Variants in SLIT3 observed in about 807,000 individuals in gnomAD.
SLIT3 encodes the protein slit homolog 3 protein.
A neutral mutation model predicts 184.0 loss-of-function variants in SLIT3; 68 were observed. The observed-to-expected ratio is 0.37, with a 90% CI of 0.30 to 0.45. The LOEUF (loss-of-function observed/expected upper bound fraction) is 0.45, where lower values mean the gene tolerates loss of function less well. Among genes scored for constraint, SLIT3 ranks in the 20% least tolerant of loss-of-function variants. The pLI is 1.00. For synonymous variants in SLIT3, 831 were observed against 828.6 expected, an observed-to-expected ratio of 1.00 and a Z score of -0.05; for missense variants, 1,707 against 2,026.0, an observed-to-expected ratio of 0.84 and a Z score of 3.02.
At chr5:168,705,316 C>T (rs1025738012) in intron 26 of SLIT3, among the ~76,000 whole-genome samples, 3 of 152,146 alleles carry the variant, frequency 2.0e-5, no homozygotes, top group Admixed American at 6.5e-5. Context: ...ATTTTAGGAA[C>T]TGTATTCTAG....
At chr5:169,124,631 T>C (rs1761008473) in intron 4 of SLIT3, among the ~76,000 whole-genome samples, 1 of 152,192 alleles carries the variant, frequency 6.6e-6, no homozygotes, top group Non-Finnish European at 1.5e-5. Flanking sequence ...TTAAAAGCCA[T>C]CTAAAGAAAG....
intron 14 of SLIT3, 134 bp from the exon 15 acceptor site, chr5:168,762,823 C>T: frequency 1.2e-6 from 1 of 820,944 alleles, no homozygotes; most frequent in Non-Finnish European, 2.0e-6. Flanking sequence ...ACAGACACGG[C>T]ATCGCCTTTG....
At chr5:169,245,095 A>T (rs1346781110) in intron 2 of SLIT3, among the ~76,000 whole-genome samples, 2 of 152,192 alleles carry the variant, frequency 1.3e-5, no homozygotes, top group East Asian at 3.9e-4. Flanking sequence ...TCTTTATAAA[A>T]ACCACACATA....
chr5:168,746,361 G>GTGTGGTGTGTGAGTGTGGTGGTA (rs1763809992), intron 20 of SLIT3, among the ~76,000 whole-genome samples: 3 of 148,006 alleles, frequency 2.0e-5, no homozygotes, highest in Non-Finnish European at 4.5e-5. Context: ...GTGTGGTGGT[G>GTGTGGTGTGTGAGTGTGGTGGTA]TGTGGTGTGT....
intron 4 of SLIT3, among the ~76,000 whole-genome samples, chr5:168,911,231 T>C (rs1006586287): frequency 2.0e-5 from 3 of 152,158 alleles, no homozygotes; most frequent in African/African-American, 4.8e-5. Flanking sequence ...ATAATAGATA[T>C]ATGTATGTTA....
chr5:168,696,177 G>T, intron 28 of SLIT3, 115 bp downstream of exon 28: 2 of 1,303,740 alleles, frequency 1.5e-6, no homozygotes, highest in Non-Finnish European at 2.2e-6. Flanking sequence ...ACAGTCTTGG[G>T]GTCTTAGTCT....
intron 14 of SLIT3, 80 bp downstream of exon 14, chr5:168,772,701 C>T (rs774929612): frequency 2.0e-6 from 3 of 1,516,652 alleles, no homozygotes; most frequent in East Asian, 2.3e-5. Context: ...GCTCGCTGTC[C>T]TCCAGATTGG....
intron 1 of SLIT3, among the ~76,000 whole-genome samples, chr5:169,263,205 G>T (rs1766259145): frequency 6.6e-6 from 1 of 152,144 alleles, no homozygotes; most frequent in Non-Finnish European, 1.5e-5. Flanking sequence ...AGCCAGGCAT[G>T]GTGGTACTTG....
intron 5 of SLIT3, among the ~76,000 whole-genome samples, chr5:168,850,743 T>C (rs1370149595): frequency 6.6e-6 from 1 of 152,220 alleles, no homozygotes; most frequent in Non-Finnish European, 1.5e-5. Context: ...TTCTATTTCA[T>C]ATAGATCATA....
intron 4 of SLIT3, among the ~76,000 whole-genome samples, chr5:168,898,274 C>T (rs1210660664): frequency 6.6e-6 from 1 of 152,134 alleles, no homozygotes; most frequent in Non-Finnish European, 1.5e-5. Flanking sequence ...GGGTATACAT[C>T]ACCTTCCCTC....
intron 14 of SLIT3, among the ~76,000 whole-genome samples, chr5:168,770,531 T>A (rs1277156295): frequency 6.6e-6 from 1 of 152,172 alleles, no homozygotes; most frequent in Non-Finnish European, 1.5e-5. Flanking sequence ...GCCAAGGCCT[T>A]TGGAGCTCAG....
At chr5:168,723,148 C>T in intron 21 of SLIT3, 144 bp from the exon 22 acceptor site, 1 of 661,560 alleles carries the variant, frequency 1.5e-6, no homozygotes, top group Non-Finnish European at 2.8e-6. Flanking sequence ...TTCACTCACT[C>T]ATCTATCCAT....
intron 23 of SLIT3, among the ~76,000 whole-genome samples, chr5:168,715,559 T>TCCCCCAC (rs1762697349): frequency 2.0e-5 from 3 of 152,372 alleles, no homozygotes; most frequent in Non-Finnish European, 2.9e-5. Flanking sequence ...GCTAAGCTGC[T>TCCCCCAC]AGAATGTAAA....
intron 3 of SLIT3, among the ~76,000 whole-genome samples, chr5:169,228,842 G>A (rs1039409991): frequency 3.9e-5 from 6 of 152,084 alleles, no homozygotes; most frequent in Admixed American, 2.6e-4. Flanking sequence ...TGGTTTTGAA[G>A]CACCTCTCAA....
Position 169,104,510 on chromosome 5 carries a change from T to A in SLIT3, c.413+88969A>T, listed in dbSNP as rs144462067. ...AATTTCACACAGGGGTCCTATTTAA[T>A]CTTAAGTCAAAGAACCATTGAATGC... On this transcript the variant is annotated intron_variant, in intron 4 of 35. Coordinates refer to ENST00000519560, the MANE Select transcript of SLIT3 (RefSeq NM_003062.4). 8.9e-4 allele frequency among the ~76,000 whole-genome samples: 135 copies of A among 152,334 alleles called. 1 individual carries two copies. The highest frequency in any genetic ancestry group is 3.1e-3 in the African/African-American group (130 of 41,576).
chr5:169,217,889 G>A (rs1438923880), intron 3 of SLIT3, among the ~76,000 whole-genome samples: 1 of 152,212 alleles, frequency 6.6e-6, no homozygotes, highest in Non-Finnish European at 1.5e-5. Context: ...TGGAATGGCA[G>A]CTGCTGTTTC....
intron 4 of SLIT3, among the ~76,000 whole-genome samples, chr5:169,113,262 A>C (rs1157679166): frequency 6.6e-6 from 1 of 151,790 alleles, no homozygotes; most frequent in Non-Finnish European, 1.5e-5. Context: ...CCATTATTCC[A>C]CTTTCTGCTC....
intron 1 of SLIT3, among the ~76,000 whole-genome samples, chr5:169,287,306 C>A (rs1767182887): frequency 6.6e-6 from 1 of 152,152 alleles, no homozygotes; most frequent in South Asian, 2.1e-4. Flanking sequence ...TGCTGAGAGC[C>A]CTCAGGATAT....
At chr5:168,856,806 T>TGCGCGCGC (rs61149576) in intron 5 of SLIT3, among the ~76,000 whole-genome samples, 82 of 137,816 alleles carry the variant, frequency 5.9e-4, no homozygotes, top group African/African-American at 2.1e-3. Context: ...TGTGTGTGTG[T>TGCGCGCGC]GCGCGCGCGC....
Sources: allele counts gnomAD v4.1 joint callset (sites outside exome capture counted in the v4.1 genomes callset), GRCh38; gene constraint gnomAD v4.1.1; transcripts MANE v1.5; gene names NCBI Gene and HGNC (gene_info 2026-07-23, HGNC 2026-07-21).